ADAM12: variants seen among roughly 807,000 people sequenced by gnomAD.
The protein encoded by ADAM12 is disintegrin and metalloproteinase domain-containing protein 12.
A neutral mutation model predicts 106.4 loss-of-function variants in ADAM12; 70 were observed. That is an observed-to-expected ratio of 0.66 (90% CI 0.54 to 0.80). The LOEUF is 0.80. Among genes scored for constraint, ADAM12 ranks in the 30% least tolerant of loss-of-function variants. The pLI, the probability that ADAM12 is intolerant of heterozygous loss-of-function variation, is 0.00. For synonymous variants in ADAM12, 420 were observed against 433.5 expected (o/e 0.97, Z 0.39); for missense variants, 1,010 against 1,171.9 (o/e 0.86, Z 2.02).
intron 4 of ADAM12, among the ~76,000 whole-genome samples, chr10:126,152,029 T>C (rs1956737026): frequency 1.3e-5 from 2 of 148,954 alleles, no homozygotes; most frequent in East Asian, 2.0e-4. Context: ...TTTTTTTTGG[T>C]CTTCCTTTTC....
chr10:126,226,685 T>C lies in ADAM12; in HGVS notation c.260+52230A>G, dbSNP rs1432367533. Among the ~76,000 whole-genome samples the C allele has an allele frequency of 3.9e-5, 6 of 152,352 alleles. No homozygotes were observed. In the East Asian group the frequency reaches 9.6e-4, roughly 25 times the overall value. ...GAAAAATGCATGTAGAGAGCTTGGC[T>C]TGTAGTAAGTGTTCAGTAATTGAGG... On this transcript the variant is annotated intron_variant, in intron 3 of 22. Transcript: ENST00000448723.
chr10:126,046,223 A>T, intron 16 of ADAM12, 91 bp from the exon 17 acceptor site: 1 of 1,241,316 alleles, frequency 8.1e-7, no homozygotes, highest in Non-Finnish European at 1.2e-6. Flanking sequence ...AAAAGCAAGC[A>T]AAAGAAAGCT....
At chr10:126,280,330 T>G (rs774431348) in intron 2 of ADAM12, among the ~76,000 whole-genome samples, 1 of 152,188 alleles carries the variant, frequency 6.6e-6, no homozygotes, top group African/African-American at 2.4e-5. Context: ...AGGGCAGCCC[T>G]TTGCATATCT....
At chr10:126,096,824 A>G (rs1955566903) in intron 10 of ADAM12, among the ~76,000 whole-genome samples, 1 of 152,258 alleles carries the variant, frequency 6.6e-6, no homozygotes, top group African/African-American at 2.4e-5. Context: ...TCAAATTGCT[A>G]AAACATATTT....
chr10:126,279,913 C>T (rs1408474392), intron 2 of ADAM12, among the ~76,000 whole-genome samples: 4 of 152,178 alleles, frequency 2.6e-5, no homozygotes, highest in African/African-American at 4.8e-5. Context: ...CCTTCAGTTA[C>T]GCTGACTTCG....
chr10:126,255,698 C>T (rs762945866), intron 3 of ADAM12, among the ~76,000 whole-genome samples: 1 of 152,232 alleles, frequency 6.6e-6, no homozygotes, highest in Admixed American at 6.5e-5. Flanking sequence ...TTCTTTGAAT[C>T]CCCAACAAAG....
At chr10:126,200,324 T>A (rs1162346709) in intron 3 of ADAM12, among the ~76,000 whole-genome samples, 1 of 152,138 alleles carries the variant, frequency 6.6e-6, no homozygotes, top group African/African-American at 2.4e-5. Flanking sequence ...ATGACATTGA[T>A]CCCCAAACAC....
intron 3 of ADAM12, among the ~76,000 whole-genome samples, chr10:126,262,308 G>T (rs1372543806): frequency 1.3e-5 from 2 of 151,896 alleles, no homozygotes. Flanking sequence ...TCCACTTATA[G>T]GAATTCCATG....
chr10:126,066,708 G>A lies in ADAM12; in HGVS notation c.1413+9C>T. 6.2e-7 allele frequency: 1 copy of A among 1,613,924 alleles called. No homozygotes were observed. The highest frequency in any genetic ancestry group is 8.5e-7 in the Non-Finnish European group (1 of 1,179,818). On this transcript the variant is annotated intron_variant, in intron 13 of 22. Transcript: ENST00000448723. The surrounding 1 kb of genome is among the most constrained non-coding windows in gnomAD (Gnocchi z 5.1). ...ACCTGGGGGTCAAGTTGTAGCTCCG[G>A]TGACTCACCTGGCAGTCTTCACAGC...
chr10:126,123,643 G>A (rs1188721367), intron 5 of ADAM12, among the ~76,000 whole-genome samples: 1 of 152,146 alleles, frequency 6.6e-6, no homozygotes, highest in Admixed American at 6.5e-5. Flanking sequence ...TGCAGCTCCC[G>A]CCATGACCCC....
intron 2 of ADAM12, among the ~76,000 whole-genome samples, chr10:126,308,336 A>C (rs1402969524): frequency 6.6e-6 from 1 of 152,210 alleles, no homozygotes; most frequent in Non-Finnish European, 1.5e-5. Flanking sequence ...TGCAAGCCCC[A>C]TTCCTCTTGC....
intron 3 of ADAM12, among the ~76,000 whole-genome samples, chr10:126,195,850 T>C (rs1957588034): frequency 6.6e-6 from 1 of 152,188 alleles, no homozygotes; most frequent in Non-Finnish European, 1.5e-5. Context: ...CAGGGGTCCA[T>C]GAAACTGTTA....
At position 126,016,320 on chromosome 10, in the gene ADAM12, T is replaced by C. The variant is rs1262129318; in HGVS notation, c.*959A>G. On this transcript the variant is annotated 3_prime_UTR_variant, in exon 23 of 23. Transcript: ENST00000448723. ...ACATCTGAAAATAGTTGTGGTCCCA[T>C]GGAAAGCCTCATCTGTCTGAATACA... 6 of 152,150 alleles carry C rather than the reference T, an allele frequency of 3.9e-5. No individual in the cohort carries two copies. The highest frequency in any genetic ancestry group is 9.7e-5 in the African/African-American group (4 of 41,430). The allele number at this position is 152,150 out of a possible 1,614,324, so 9.4% of individuals were successfully genotyped here.
intron 8 of ADAM12, 69 bp downstream of exon 8, chr10:126,108,524 G>A (rs1955815630): frequency 1.4e-6 from 2 of 1,403,152 alleles, no homozygotes; most frequent in African/African-American, 1.4e-5. Flanking sequence ...TAAGTCAGAT[G>A]AGGTCCCCCA....
intron 2 of ADAM12, among the ~76,000 whole-genome samples, chr10:126,288,928 A>T (rs567541192): frequency 2.4e-4 from 37 of 152,078 alleles, no homozygotes; most frequent in Non-Finnish European, 2.1e-4. Context: ...GCCTGGGGAC[A>T]GGACCGCATG....
intron 1 of ADAM12, among the ~76,000 whole-genome samples, chr10:126,342,561 G>C (rs1214047968): frequency 3.9e-5 from 6 of 152,042 alleles, no homozygotes; most frequent in African/African-American, 1.2e-4. Flanking sequence ...ATCTTACATA[G>C]AGAAGCCAAA....
chr10:126,036,098 G>C lies in ADAM12; in HGVS notation c.2529+48C>G, dbSNP rs758077695. ...TAAGCTCACACATTAACAAGTAGCAGAATCTGGATTTGAACTACATCCTAT... is the reference window on the plus strand; with the variant it reads ...TAAGCTCACACATTAACAAGTAGCACAATCTGGATTTGAACTACATCCTAT... On this transcript the variant is annotated intron_variant, in intron 21 of 22. Transcript: ENST00000448723. 3.2e-5 allele frequency: 42 copies of C among 1,332,740 alleles called. 1 individual carries two copies. The East Asian group carries it at 1.2e-3, about 37-fold the overall frequency. The allele number at this position is 1,332,740 out of a possible 1,614,324, so 82.6% of individuals were successfully genotyped here.
At chr10:126,210,017 T>G (rs974183044) in intron 3 of ADAM12, among the ~76,000 whole-genome samples, 1 of 152,234 alleles carries the variant, frequency 6.6e-6, no homozygotes, top group Admixed American at 6.5e-5. Context: ...CTCGGGATCC[T>G]CCGGGTACTA....
intron 11 of ADAM12, among the ~76,000 whole-genome samples, chr10:126,074,701 C>T (rs1034378605): frequency 1.1e-4 from 16 of 152,172 alleles, no homozygotes; most frequent in Admixed American, 6.5e-5. Context: ...CATAAATGGT[C>T]GTCATCCAAT....
Sources: allele counts gnomAD v4.1 joint callset (sites outside exome capture counted in the v4.1 genomes callset), GRCh38; gene constraint gnomAD v4.1.1; non-coding constraint Gnocchi (gnomAD v3.1); transcripts MANE v1.5; gene names NCBI Gene and HGNC (gene_info 2026-07-23, HGNC 2026-07-21).